ACP7: variants seen among roughly 807,000 people sequenced by gnomAD.
ACP7 encodes the protein acid phosphatase type 7.
ACP7 carries 58 observed loss-of-function variants against 60.6 expected under a neutral mutation model. That is an observed-to-expected ratio of 0.96 (90% CI 0.77 to 1.19). The LOEUF is 1.19. Among genes scored for constraint, ACP7 ranks in the 50% most tolerant of loss-of-function variants. The pLI is 0.00. For missense variants in ACP7, 574 were observed against 596.2 expected (o/e 0.96, Z 0.39); for synonymous variants, 237 against 232.6 (o/e 1.02, Z -0.17).
intron 2 of ACP7, among the ~76,000 whole-genome samples, chr19:39,092,588 C>CT (rs1434444882): frequency 2.0e-5 from 3 of 151,916 alleles, no homozygotes; most frequent in African/African-American, 7.3e-5. Context: ...GTTAGGTCCA[C>CT]TTATTAGTGT....
At chr19:39,100,552 T>G in intron 5 of ACP7, 28 bp from the exon 6 acceptor site, 1 of 1,612,240 alleles carries the variant, frequency 6.2e-7, no homozygotes, top group East Asian at 2.2e-5. Context: ...GTCCTTCACC[T>G]CCATCCCTTG....
intron 2 of ACP7, among the ~76,000 whole-genome samples, chr19:39,090,306 T>C (rs2073189655): frequency 6.6e-6 from 1 of 151,792 alleles, no homozygotes; most frequent in Non-Finnish European, 1.5e-5. Flanking sequence ...GTAGCGGGGA[T>C]TACAGGCGCA....
chr19:39,085,244 C>A lies in ACP7; in HGVS notation c.-26C>A, dbSNP rs142088413. 4.7e-4 allele frequency: 755 copies of A among 1,603,386 alleles called. 12 individuals carry two copies. The East Asian group carries it at 0.017, about 36-fold the overall frequency. On this transcript the variant is annotated 5_prime_UTR_variant, in exon 2 of 13. Coordinates refer to ENST00000331256, the MANE Select transcript of ACP7 (RefSeq NM_001004318.3). ...TCTCCTCAGTCCCCCTGCTTTTCCCCGGTCTGCCATCACCACCCCACCACC... is the reference window on the plus strand; with the variant it reads ...TCTCCTCAGTCCCCCTGCTTTTCCCAGGTCTGCCATCACCACCCCACCACC...
At chr19:39,093,143 C>G (rs73045450) in intron 2 of ACP7, among the ~76,000 whole-genome samples, 2,472 of 96,238 alleles carry the variant, frequency 0.026, 83 homozygotes, top group Middle Eastern at 0.05. Flanking sequence ...TTCCCTCACT[C>G]CTTTCTTTCT....
Position 39,110,269 on chromosome 19 carries a change from T to G in ACP7, c.*151T>G. 1.4e-6 allele frequency: 1 copy of G among 703,156 alleles called. No homozygotes were observed. The highest frequency in any genetic ancestry group is 1.8e-5 in the South Asian group (1 of 55,250). 43.6% of individuals were successfully genotyped at this position (703,156 alleles called of 1,614,324 possible). A position where few individuals can be genotyped will look rare whatever the true frequency, so the allele number is the denominator to read the frequency against. On this transcript the variant is annotated 3_prime_UTR_variant, in exon 13 of 13. Transcript: ENST00000331256. Reference sequence around the variant, plus strand: ...TAGGGTACATGCAGCCCTATGGAGCTGGGGCAGCTGTTCCCTCCTGGAGAG... The same window carrying G: ...TAGGGTACATGCAGCCCTATGGAGCGGGGGCAGCTGTTCCCTCCTGGAGAG...
intron 12 of ACP7, among the ~76,000 whole-genome samples, 167 bp downstream of exon 12, chr19:39,107,251 C>A (rs1233231199): frequency 6.6e-6 from 1 of 152,018 alleles, no homozygotes; most frequent in Non-Finnish European, 1.5e-5. Context: ...AGTTCAAGAC[C>A]AGCCTGGGTA....
Position 39,099,077 on chromosome 19 carries a change from C to CGAA in ACP7, c.442_444dup (p.Lys148dup). 6.2e-7 allele frequency: 1 copy of CGAA among 1,605,996 alleles called. No homozygotes were observed. The highest frequency in any genetic ancestry group is 1.3e-5 in the African/African-American group (1 of 74,482). On this transcript the variant is annotated inframe_insertion, in exon 4 of 13. Transcript: ENST00000331256. ...TTTGGAGACCTGGGGGCTGACAACC[C>CGAA]GAAGGCCGTCCCCCGGCTGCGCAGG...
rs779068078 is a variant in ACP7, at chr19:39,085,416, G to A, written c.121+26G>A. On this transcript the variant is annotated intron_variant, in intron 2 of 12. Transcript: ENST00000331256. ...GTAAGTGTCCCTGACTCATTTCTAT[G>A]CCTCTACCAGAGAGGCCCAGCGGTG... 6.9e-6 allele frequency: 11 copies of A among 1,592,186 alleles called. No individual in the cohort carries two copies. In the South Asian group the frequency reaches 1.1e-4, roughly 17 times the overall value.
chr19:39,093,340 C>T (rs144026674), intron 2 of ACP7, among the ~76,000 whole-genome samples: 4,358 of 151,418 alleles, frequency 0.029, 94 homozygotes, highest in Non-Finnish European at 0.045. Flanking sequence ...CTGCAACCTC[C>T]GCCTCCTGGG....
At chr19:39,098,404 T>G in intron 2 of ACP7, 54 bp from the exon 3 acceptor site, 18 of 509,990 alleles carry the variant, frequency 3.5e-5, no homozygotes, top group Non-Finnish European at 5.7e-5. Context: ...TGCATATCCC[T>G]CCCACCCTGC....
chr19:39,086,756 A>G (rs1313644353), intron 2 of ACP7, among the ~76,000 whole-genome samples: 1 of 152,072 alleles, frequency 6.6e-6, no homozygotes, highest in Non-Finnish European at 1.5e-5. Context: ...TTACATCACT[A>G]AATTTTATGG....
intron 12 of ACP7, 56 bp from the exon 13 acceptor site, chr19:39,109,997 G>A (rs1568485881): frequency 1.3e-6 from 2 of 1,552,852 alleles, no homozygotes; most frequent in South Asian, 2.3e-5. Context: ...AGGCCATGTG[G>A]CCCCAGAGTT....
intron 2 of ACP7, 125 bp downstream of exon 2, chr19:39,085,515 A>T: frequency 7.8e-7 from 1 of 1,278,116 alleles, no homozygotes; most frequent in Non-Finnish European, 1.1e-6. Flanking sequence ...CTGAGCCTCC[A>T]TCATCCACCT....
rs1214770822 is a variant in ACP7, at chr19:39,098,539, G to A, written c.203G>A (p.Gly68Glu). The A allele has an allele frequency of 1.9e-6, 3 of 1,612,086 alleles. No homozygotes were observed. The highest frequency in any genetic ancestry group is 1.7e-5 in the Admixed American group (1 of 59,732). ...SEVQFGLQPS[G>E]PLPLRAQGTF... is the part of the protein sequence containing the mutation. ...GTGCAATTCGGGTTGCAGCCGTCGG[G>A]GCCCCTGCCCCTCCGCGCCCAGGGC... Residue 68 changes from glycine (G) to glutamate (E), a missense_variant, in exon 3 of 13, where the codon GGG (glycine) becomes GAG (glutamate). Coordinates refer to ENST00000331256, the MANE Select transcript of ACP7 (RefSeq NM_001004318.3).
rs690825 is a variant in ACP7 at position 39,106,899 on chromosome 19, C to A, written c.1114-48C>A. 5.6e-6 allele frequency: 9 copies of A among 1,605,972 alleles called. No homozygotes were observed. The South Asian group carries it at 1.0e-4, about 18-fold the overall frequency. ...GGCTAGCAGGTCATTTCTGCTTCCCCGCGGGTCCTCCACCTGCTCTGGGTC... is the reference window on the plus strand; with the variant it reads ...GGCTAGCAGGTCATTTCTGCTTCCCAGCGGGTCCTCCACCTGCTCTGGGTC... On this transcript the variant is annotated intron_variant, in intron 11 of 12. Coordinates refer to ENST00000331256, the MANE Select transcript of ACP7 (RefSeq NM_001004318.3).
rs531755293 is a variant in ACP7, at chr19:39,110,334, C to A, written c.*216C>A. 2 of 576,792 alleles carry A rather than the reference C, an allele frequency of 3.5e-6. No homozygotes were observed. The highest frequency in any genetic ancestry group is 1.9e-5 in the African/African-American group (1 of 53,208). The allele number at this position is 576,792 out of a possible 1,614,324, so 35.7% of individuals were successfully genotyped here. A position where few individuals can be genotyped will look rare whatever the true frequency, so the allele number is the denominator to read the frequency against. On this transcript the variant is annotated 3_prime_UTR_variant, in exon 13 of 13. Coordinates refer to ENST00000331256, the MANE Select transcript of ACP7 (RefSeq NM_001004318.3). ...TGGCTGTGGAGGGAGGGCAGGTGTG[C>A]GGGCACAGAGTGACACACGGCAGGT...
chr19:39,093,202 C>G (rs2073228740), intron 2 of ACP7, among the ~76,000 whole-genome samples: 1 of 95,738 alleles, frequency 1.0e-5, no homozygotes, highest in Admixed American at 1.1e-4. Flanking sequence ...TTCTTTGTTT[C>G]TTTCTTTCTC....
At chr19:39,085,507 G>T in intron 2 of ACP7, 117 bp downstream of exon 2, 1 of 1,344,790 alleles carries the variant, frequency 7.4e-7, no homozygotes, top group Non-Finnish European at 9.9e-7. Context: ...CATTCCTCCT[G>T]AGCCTCCATC....
At chr19:39,086,646 G>A (rs956679557) in intron 2 of ACP7, among the ~76,000 whole-genome samples, 2 of 145,704 alleles carry the variant, frequency 1.4e-5, no homozygotes, top group African/African-American at 5.0e-5. Flanking sequence ...AAAAAAGGGG[G>A]GGGGGAGGGG....
Sources: gnomAD v4.1 joint callset for allele counts (sites outside exome capture counted in the v4.1 genomes callset) on GRCh38, gnomAD v4.1.1 for gene constraint, MANE v1.5 for transcripts, NCBI Gene and HGNC (gene_info 2026-07-23, HGNC 2026-07-21) for gene names.